PGK1: variants seen among roughly 807,000 people sequenced by gnomAD.
PGK1 encodes phosphoglycerate kinase 1.
A neutral mutation model predicts 26.9 loss-of-function variants in PGK1; 3 were observed. The observed-to-expected ratio is 0.11, with a 90% CI of 0.05 to 0.29. PGK1 has a LOEUF of 0.29. PGK1 is among the 10% of genes least tolerant of loss of function. The pLI is 1.00. For missense variants in PGK1, 270 were observed against 314.7 expected (o/e 0.86, Z 1.07); for synonymous variants, 125 against 115.3 (o/e 1.08, Z -0.54).
chrX:78,106,745 T>C (rs2078274418), intron 1 of PGK1: 1 of 347,666 alleles, frequency 2.9e-6, no homozygotes, highest in Non-Finnish European at 3.7e-6. Context: ...GACTCCGCAG[T>C]TGACTTTACA....
intron 1 of PGK1, among the ~76,000 whole-genome samples, chrX:78,108,748 C>T (rs1443009933): frequency 8.9e-6 from 1 of 112,218 alleles, no homozygotes; most frequent in Admixed American, 9.4e-5. Flanking sequence ...ACTGTAGTCC[C>T]TTTGCAAGTG....
chrX:78,124,375 C>T (rs1457787868), intron 8 of PGK1, among the ~76,000 whole-genome samples: 1 of 111,535 alleles, frequency 9.0e-6, no homozygotes, highest in Non-Finnish European at 1.9e-5. Context: ...TTTGAATAAG[C>T]CCTCCTGGTG....
intron 6 of PGK1, among the ~76,000 whole-genome samples, chrX:78,119,246 A>G (rs1346383601): frequency 1.8e-5 from 2 of 112,263 alleles, no homozygotes; most frequent in African/African-American, 6.5e-5. Context: ...TCCAGATTAC[A>G]TACCTATTTT....
intron 6 of PGK1, among the ~76,000 whole-genome samples, chrX:78,118,917 T>C (rs1220300595): frequency 1.8e-5 from 2 of 111,542 alleles, no homozygotes; most frequent in Non-Finnish European, 3.8e-5. Flanking sequence ...GAAACCCAAA[T>C]GGAAGCCAGA....
Position 78,106,703 on chromosome X carries a change from G to C in PGK1, c.65+2298G>C, listed in dbSNP as rs782105505. 1.9e-4 allele frequency: 129 copies of C among 663,160 alleles called. 1 individual carries two copies. The African/African-American group carries it at 3.1e-3, about 16-fold the overall frequency. 54.7% of individuals were successfully genotyped at this position (663,160 alleles called of 1,213,427 possible). A position where few individuals can be genotyped will look rare whatever the true frequency, so the allele number is the denominator to read the frequency against. ...TGGGATAGCCAGAAACCTCTGACTTGTTAATTACCAGGTTCCATCTTAGTT... is the reference window on the plus strand; with the variant it reads ...TGGGATAGCCAGAAACCTCTGACTTCTTAATTACCAGGTTCCATCTTAGTT... On this transcript the variant is annotated intron_variant, in intron 1 of 10. Coordinates refer to ENST00000373316, the MANE Select transcript of PGK1 (RefSeq NM_000291.4).
At chrX:78,125,504 A>C in intron 10 of PGK1, 79 bp downstream of exon 10, 4 of 677,699 alleles carry the variant, frequency 5.9e-6, no homozygotes, top group Non-Finnish European at 9.6e-6. Flanking sequence ...GGAGTGGAGA[A>C]AGTTAGAAGG....
At chrX:78,104,461 C>T (rs1169301818) in intron 1 of PGK1, 56 bp downstream of exon 1, 10 of 914,338 alleles carry the variant, frequency 1.1e-5, no homozygotes, top group Non-Finnish European at 1.3e-5. Context: ...ACCTCTTTGG[C>T]CGGAGCCGAC....
intron 1 of PGK1, among the ~76,000 whole-genome samples, chrX:78,109,407 T>C (rs1381417460): frequency 9.0e-6 from 1 of 111,428 alleles, no homozygotes; most frequent in African/African-American, 3.3e-5. Flanking sequence ...GCATTCCTTA[T>C]TATTCCTCAC....
chrX:78,117,673 C>T (rs189633358), intron 5 of PGK1, among the ~76,000 whole-genome samples: 2 of 112,427 alleles, frequency 1.8e-5, no homozygotes, highest in East Asian at 5.6e-4. Context: ...ATATTTTGTA[C>T]AGAGTTATCC....
In PGK1 at chrX:78,125,058, G is replaced by A; in HGVS notation, c.1114+7G>A. On this transcript the variant is annotated splice_region_variant and intron_variant, in intron 9 of 10. Coordinates refer to ENST00000373316, the MANE Select transcript of PGK1 (RefSeq NM_000291.4). Reference sequence around the variant, plus strand: ...GGCTGCATCACCATCATAGGTAAGCGGTCCTATACAAAGCTAATACCCATA... The same window carrying A: ...GGCTGCATCACCATCATAGGTAAGCAGTCCTATACAAAGCTAATACCCATA... 3 of 1,197,708 alleles carry A rather than the reference G, an allele frequency of 2.5e-6. No individual in the cohort carries two copies. The highest frequency in any genetic ancestry group is 3.4e-6 in the Non-Finnish European group (3 of 882,922).
intron 4 of PGK1, among the ~76,000 whole-genome samples, chrX:78,116,666 T>C (rs2078328095): frequency 8.9e-6 from 1 of 112,874 alleles, no homozygotes; most frequent in Non-Finnish European, 1.9e-5. Context: ...GATGGCAAGC[T>C]GACATTTTAA....
At chrX:78,108,852 A>G (rs944901064) in intron 1 of PGK1, among the ~76,000 whole-genome samples, 2 of 111,966 alleles carry the variant, frequency 1.8e-5, no homozygotes, top group Non-Finnish European at 3.8e-5. Flanking sequence ...TATGGCATTT[A>G]CTGTGTGTCA....
rs1463929975 is a variant in PGK1 at position 78,114,071 on chromosome X, A to T, written c.328A>T (p.Asn110Tyr). The change falls in exon 4 of 11, where the codon AAC becomes TAC. Residue 110 changes from asparagine to tyrosine, a missense_variant. By Grantham distance (143) the Asn-to-Tyr change is moderately radical. Transcript: ENST00000373316. ...CCCAGAAGTGGAGAAAGCCTGTGCC[A>T]ACCCAGCTGCTGGGTCTGTCATCCT... ...VGPEVEKACA[N>Y]PAAGSVILLE... The T allele has an allele frequency of 8.3e-7, 1 of 1,207,213 alleles. No individual in the cohort carries two copies. Among genetic ancestry groups the T allele is most frequent in the African/African-American group, 1.8e-5 (1 of 57,023 alleles).
rs1331014459 is a variant in PGK1 at position 78,128,510 on chromosome X, A to C, written c.*2680A>C. The C allele has an allele frequency of 8.9e-6, 1 of 112,816 alleles. No homozygotes were observed. The highest frequency in any genetic ancestry group is 2.8e-4 in the East Asian group (1 of 3,576). The allele number at this position is 112,816 out of a possible 1,213,427, so 9.3% of individuals were successfully genotyped here. ...CAGTGAGCTGAGATCACGCTACTGC[A>C]TTCCTGCTTGGGCGACAGAGTGAGA... On this transcript the variant is annotated 3_prime_UTR_variant, in exon 11 of 11. Coordinates refer to ENST00000373316, the MANE Select transcript of PGK1 (RefSeq NM_000291.4).
intron 1 of PGK1, 124 bp from the exon 2 acceptor site, chrX:78,109,743 G>A (rs2078290961): frequency 7.2e-6 from 4 of 553,151 alleles, no homozygotes; most frequent in South Asian, 2.4e-5. Context: ...GACTTTTAAT[G>A]CCACTGATTA....
chrX:78,113,511 G>C (rs1205849445), intron 2 of PGK1, among the ~76,000 whole-genome samples: 1 of 111,466 alleles, frequency 9.0e-6, no homozygotes, highest in Non-Finnish European at 1.9e-5. Flanking sequence ...CAGGCCTGCT[G>C]TGTTAACTCT....
intron 2 of PGK1, 140 bp from the exon 3 acceptor site, chrX:78,113,604 A>T: frequency 1.8e-6 from 1 of 556,671 alleles, no homozygotes; most frequent in South Asian, 2.5e-5. Flanking sequence ...CTTAAGGACC[A>T]CCATTGAATT....
At chrX:78,107,645 ATT>A (rs1385266086) in intron 1 of PGK1, among the ~76,000 whole-genome samples, 1 of 112,086 alleles carries the variant, frequency 8.9e-6, no homozygotes, top group Non-Finnish European at 1.9e-5. Context: ...ATTGAAGGAT[ATT>A]AGGGTTGTTT....
intron 1 of PGK1, among the ~76,000 whole-genome samples, chrX:78,108,579 G>C (rs2078283549): frequency 1.8e-5 from 2 of 112,121 alleles, no homozygotes; most frequent in African/African-American, 3.2e-5. Flanking sequence ...TGGAGTTCAG[G>C]CCTAGTGGAT....
Sources: allele counts gnomAD v4.1 joint callset (sites outside exome capture counted in the v4.1 genomes callset), GRCh38; gene constraint gnomAD v4.1.1; transcripts MANE v1.5; gene names NCBI Gene and HGNC (gene_info 2026-07-23, HGNC 2026-07-21).